ACACA: variants seen among roughly 807,000 people sequenced by gnomAD.
ACACA encodes the protein acetyl-CoA carboxylase alpha, also known as acetyl-CoA carboxylase 1.
A neutral mutation model predicts 296.1 loss-of-function variants in ACACA; 103 were observed. That is an observed-to-expected ratio of 0.35 (90% CI 0.30 to 0.41). The LOEUF (loss-of-function observed/expected upper bound fraction) is 0.41, where lower values mean the gene tolerates loss of function less well. Among genes scored for constraint, ACACA ranks in the 10% least tolerant of loss-of-function variants. The probability of loss-of-function intolerance (pLI) is 1.00; values close to 1 mark genes in which losing one functional copy is unlikely to be tolerated. For synonymous variants in ACACA, 953 were observed against 1,038.6 expected, an observed-to-expected ratio of 0.92 and a Z score of 1.58; for missense variants, 1,554 against 2,989.7, an observed-to-expected ratio of 0.52 and a Z score of 11.20.
At chr17:37,231,868 G>A (rs1252967021) in intron 25 of ACACA, among the ~76,000 whole-genome samples, 1 of 152,188 alleles carries the variant, frequency 6.6e-6, no homozygotes, top group Non-Finnish European at 1.5e-5. Context: ...CATAAACAAT[G>A]TTCTGAGTTC....
chr17:37,390,334 A>ATATATATATCTATATCTATATCTAT (rs2050822111), intron 1 of ACACA, among the ~76,000 whole-genome samples: 1 of 93,444 alleles, frequency 1.1e-5, no homozygotes, highest in African/African-American at 4.5e-5. Flanking sequence ...ATATATATAT[A>ATATATATATCTATATCTATATCTAT]AAAGGCCAGC....
chr17:37,317,263 A>G (rs1373781308), intron 3 of ACACA, among the ~76,000 whole-genome samples: 3 of 152,098 alleles, frequency 2.0e-5, no homozygotes, highest in African/African-American at 7.2e-5. Flanking sequence ...TTACTATGGA[A>G]TGATTGTATT....
chr17:37,097,382 G>A lies in ACACA; in HGVS notation c.6721-216C>T, dbSNP rs1307708749. Among the ~76,000 whole-genome samples the A allele has an allele frequency of 6.6e-6, 1 of 152,214 alleles. No homozygotes were observed. The highest frequency in any genetic ancestry group is 1.5e-5 in the Non-Finnish European group (1 of 68,034). On this transcript the variant is annotated intron_variant, in intron 53 of 55. Transcript: ENST00000616317. This position sits in a 1 kb window ranked among gnomAD's most constrained non-coding sequence, Gnocchi z 4.8. ...CAGCACTGTGCACAGCCATGGGCCT[G>A]GCTAATGCTGATCCCACACATGGCT...
chr17:37,342,294 GCT>G (rs2048402776), intron 1 of ACACA, among the ~76,000 whole-genome samples: 1 of 148,914 alleles, frequency 6.7e-6, no homozygotes, highest in African/African-American at 2.5e-5. Flanking sequence ...TGTAATCCCA[GCT>G]ACTGGGGAGG....
chr17:37,358,397 T>C (rs1300759022), intron 1 of ACACA, among the ~76,000 whole-genome samples: 2 of 152,240 alleles, frequency 1.3e-5, no homozygotes, highest in South Asian at 2.1e-4. Context: ...AAAAGGCATG[T>C]ACATTTACTA....
intron 33 of ACACA, 113 bp downstream of exon 33, chr17:37,205,652 T>C: frequency 1.2e-6 from 1 of 859,510 alleles, no homozygotes; most frequent in Admixed American, 1.8e-5. Flanking sequence ...GCCATAGTTC[T>C]GAGAGTTATG....
intron 25 of ACACA, among the ~76,000 whole-genome samples, chr17:37,231,635 GGCATGGCATTACTCATACAGAA>G (rs1477744043): frequency 6.6e-6 from 1 of 152,178 alleles, no homozygotes; most frequent in Non-Finnish European, 1.5e-5. Flanking sequence ...GGGGTTCATA[GGCATGGCATTACTCATACAGAA>G]GCATGGTTTA....
chr17:37,137,901 A>G (rs1200284947), intron 45 of ACACA, among the ~76,000 whole-genome samples: 1 of 152,252 alleles, frequency 6.6e-6, no homozygotes, highest in Non-Finnish European at 1.5e-5. Context: ...GTTACTCAAA[A>G]GTTGATTACA....
intron 42 of ACACA, among the ~76,000 whole-genome samples, chr17:37,157,418 T>C (rs115584856): frequency 6.1e-4 from 93 of 152,246 alleles, no homozygotes; most frequent in African/African-American, 2.2e-3. Flanking sequence ...TAAGGCCTTG[T>C]AGGCAACTAT....
chr17:37,129,287 C>T, intron 47 of ACACA, 78 bp downstream of exon 47: 1 of 1,577,224 alleles, frequency 6.3e-7, no homozygotes, highest in Non-Finnish European at 8.7e-7. Context: ...TGTGATTGTT[C>T]AGGAATTGGA....
At position 37,111,542 on chromosome 17, in the gene ACACA, G is replaced by C; in HGVS notation, c.6554C>G (p.Ala2185Gly). 6.2e-7 allele frequency: 1 copy of C among 1,613,630 alleles called. No individual in the cohort carries two copies. The highest frequency in any genetic ancestry group is 8.5e-7 in the Non-Finnish European group (1 of 1,179,534). ...ACAAGCAGACATACCCAATCGCTCA[G>C]CCAAGTGGATGTAGACTGGGTCCAC... ...RRVDPVYIHL[A>G]ERLGTPELST... The change falls in exon 52 of 56, where the codon GCT becomes GGT. Residue 2185 changes from alanine (A) to glycine (G), a missense_variant. Physicochemically the swap from Ala to Gly is moderately conservative, Grantham distance 60 (BLOSUM62 0). Transcript: ENST00000616317.
At chr17:37,267,330 G>C (rs894218555) in intron 10 of ACACA, among the ~76,000 whole-genome samples, 3 of 152,162 alleles carry the variant, frequency 2.0e-5, no homozygotes, top group African/African-American at 7.2e-5. Context: ...GACTGTCCTA[G>C]TAGGACTAGG....
At chr17:37,328,130 T>A (rs2047703271) in intron 3 of ACACA, among the ~76,000 whole-genome samples, 1 of 152,220 alleles carries the variant, frequency 6.6e-6, no homozygotes, top group South Asian at 2.1e-4. Flanking sequence ...GTTATATAAT[T>A]AAGACACCTG....
At chr17:37,379,414 C>T (rs745697356) in intron 1 of ACACA, 1 of 1,601,946 alleles carries the variant, frequency 6.2e-7, no homozygotes, top group Non-Finnish European at 8.5e-7. Context: ...GGGGCAGGCA[C>T]TAACTTTTAG....
intron 55 of ACACA, among the ~76,000 whole-genome samples, chr17:37,087,674 A>C (rs570659198): frequency 9.8e-5 from 15 of 152,302 alleles, no homozygotes; most frequent in African/African-American, 2.2e-4. Flanking sequence ...CCCAAAAAAA[A>C]CCCAAAACAT....
At chr17:37,217,950 T>C (rs1313838746) in intron 29 of ACACA, among the ~76,000 whole-genome samples, 1 of 151,754 alleles carries the variant, frequency 6.6e-6, no homozygotes, top group Non-Finnish European at 1.5e-5. Flanking sequence ...GGGAAAAATA[T>C]AAAATTCTGT....
rs1291718008 is a variant in ACACA, at chr17:37,406,488, T to TC, written c.-190dup. Reference sequence around the variant, plus strand: ...ACTGGAGAGGCGCCACGGCTCGCCGTCCCTGGGCCCAGTTCCCTCAGCCTC... The same window carrying TC: ...ACTGGAGAGGCGCCACGGCTCGCCGTCCCCTGGGCCCAGTTCCCTCAGCCTC... On this transcript the variant is annotated 5_prime_UTR_variant, in exon 1 of 56. Transcript: ENST00000616317. The TC allele has an allele frequency of 3.0e-5, 20 of 671,788 alleles. No individual in the cohort carries two copies. The highest frequency in any genetic ancestry group is 5.3e-5 in the Non-Finnish European group (20 of 379,116). The allele number at this position is 671,788 out of a possible 1,614,324, so 41.6% of individuals were successfully genotyped here.
chr17:37,320,675 G>C (rs907474972), intron 3 of ACACA, among the ~76,000 whole-genome samples: 1 of 151,502 alleles, frequency 6.6e-6, no homozygotes. Flanking sequence ...GGCCAGGCAC[G>C]GTGGCTCCTG....
At chr17:37,258,757 C>T (rs2081323390) in intron 12 of ACACA, among the ~76,000 whole-genome samples, 1 of 152,146 alleles carries the variant, frequency 6.6e-6, no homozygotes, top group South Asian at 2.1e-4. Flanking sequence ...CTGCAAACCA[C>T]TGGAGGAAGT....
Sources: gnomAD v4.1 joint callset for allele counts (sites outside exome capture counted in the v4.1 genomes callset) on GRCh38, gnomAD v4.1.1 for gene constraint, Gnocchi (gnomAD v3.1) non-coding constraint, MANE v1.5 for transcripts, NCBI Gene and HGNC (gene_info 2026-07-23, HGNC 2026-07-21) for gene names.